The following DCT variants were observed in gnomAD, a reference collection of about 807,000 sequenced individuals.
DCT encodes dopachrome tautomerase, also known as L-dopachrome tautomerase.
A neutral mutation model predicts 53.0 loss-of-function variants in DCT; 47 were observed. The observed-to-expected ratio is 0.89, with a 90% CI of 0.70 to 1.13. The LOEUF is 1.13. DCT is among the 50% of genes most tolerant of loss of function. DCT has a pLI of 0.00. For missense variants in DCT, 669 were observed against 637.4 expected, an observed-to-expected ratio of 1.05 and a Z score of -0.53; for synonymous variants, 244 against 237.0, an observed-to-expected ratio of 1.03 and a Z score of -0.27.
chr13:94,470,667 C>T (rs534440864), intron 1 of DCT, among the ~76,000 whole-genome samples: 5 of 152,174 alleles, frequency 3.3e-5, no homozygotes, highest in Non-Finnish European at 7.3e-5. Context: ...GCTTTTCCTT[C>T]TTCCTGAAAC....
chr13:94,500,739 C>T, the DCT span, among the ~76,000 whole-genome samples: 1 of 152,282 alleles, frequency 6.6e-6, no homozygotes, highest in East Asian at 1.9e-4. Context: ...TCCATTCAAC[C>T]GTTTATGGAC....
chr13:94,519,116 C>T, the DCT span, among the ~76,000 whole-genome samples: 1 of 152,180 alleles, frequency 6.6e-6, no homozygotes, highest in African/African-American at 2.4e-5. Flanking sequence ...ATCTCTACCA[C>T]CTCCCTGCCT....
Position 94,460,139 on chromosome 13 carries a change from G to C in DCT, c.1131C>G (p.Asn377Lys). Reference protein sequence around the residue: ...SLHNLVHSFLNGTNALPHSAA... With the variant: ...SLHNLVHSFLKGTNALPHSAA... ...CTGAATGTGGCAAAGCGTTTGTCCCGTTCAGGAAGGAATGAACCAAATTAT... is the reference window on the plus strand; with the variant it reads ...CTGAATGTGGCAAAGCGTTTGTCCCCTTCAGGAAGGAATGAACCAAATTAT... Residue 377 changes from asparagine (N) to lysine (K), a missense_variant, in exon 6 of 8, where the codon AAC becomes AAG. Asn to Lys is a moderately conservative substitution (Grantham distance 94, BLOSUM62 0). Transcript: ENST00000377028. 6.2e-7 allele frequency: 1 copy of C among 1,614,042 alleles called. No individual in the cohort carries two copies. Among genetic ancestry groups the C allele is most frequent in the Non-Finnish European group, 8.5e-7 (1 of 1,179,972 alleles).
chr13:94,521,282 A>C, the DCT span, among the ~76,000 whole-genome samples: 2 of 152,260 alleles, frequency 1.3e-5, no homozygotes, highest in Non-Finnish European at 2.9e-5. Context: ...CTGGCACTTC[A>C]TGAGTGCTTG....
At chr13:94,521,446 G>C in the DCT span, among the ~76,000 whole-genome samples, 1 of 152,198 alleles carries the variant, frequency 6.6e-6, no homozygotes. Flanking sequence ...CGAGGTGGGC[G>C]GATCACCTGA....
the DCT span, among the ~76,000 whole-genome samples, chr13:94,491,073 G>T: frequency 6.6e-6 from 1 of 152,134 alleles, no homozygotes; most frequent in Admixed American, 6.6e-5. Flanking sequence ...AGAATACAAA[G>T]ATGTCAGTGA....
At chr13:94,525,123 G>A in the DCT span, among the ~76,000 whole-genome samples, 1 of 149,058 alleles carries the variant, frequency 6.7e-6, no homozygotes, top group Non-Finnish European at 1.5e-5. Context: ...TTTTGGAGGT[G>A]GAGTTTCCCT....
the DCT span, among the ~76,000 whole-genome samples, chr13:94,542,734 A>G: frequency 6.6e-6 from 1 of 152,226 alleles, no homozygotes; most frequent in South Asian, 2.1e-4. Flanking sequence ...GCATTTAGGA[A>G]AACAAAAAGT....
At chr13:94,513,421 T>C in the DCT span, among the ~76,000 whole-genome samples, 1 of 152,182 alleles carries the variant, frequency 6.6e-6, no homozygotes, top group Non-Finnish European at 1.5e-5. Flanking sequence ...TCGGTGTCTG[T>C]GGAATAATCC....
intron 6 of DCT, chr13:94,445,800 G>A: frequency 6.9e-7 from 1 of 1,449,598 alleles, no homozygotes; most frequent in Non-Finnish European, 9.5e-7. Context: ...TTTGTTTGTA[G>A]TTCTTACATT....
intron 6 of DCT, among the ~76,000 whole-genome samples, chr13:94,449,747 T>C (rs925300004): frequency 1.3e-5 from 2 of 152,218 alleles, no homozygotes; most frequent in East Asian, 3.8e-4. Context: ...TAGGGAAATA[T>C]CTTGTCTTGT....
chr13:94,547,941 C>A, the DCT span, among the ~76,000 whole-genome samples: 3 of 114,422 alleles, frequency 2.6e-5, no homozygotes, highest in Non-Finnish European at 4.8e-5. Context: ...CCAGCCTGGG[C>A]GTCAGAGTGA....
chr13:94,478,484 AAGAGAGAGAG>A (rs765869772), intron 1 of DCT, among the ~76,000 whole-genome samples: 2 of 151,884 alleles, frequency 1.3e-5, no homozygotes, highest in Non-Finnish European at 2.9e-5. Flanking sequence ...CTCCAAAAAA[AAGAGAGAGAG>A]AGAGATCTGT....
chr13:94,453,577 T>G (rs1883231156), intron 6 of DCT, among the ~76,000 whole-genome samples: 1 of 151,602 alleles, frequency 6.6e-6, no homozygotes, highest in South Asian at 2.1e-4. Context: ...CCTATTGATA[T>G]GGTTTAGCTG....
chr13:94,466,501 T>C (rs894665754), intron 3 of DCT, 57 bp downstream of exon 3: 33 of 1,116,862 alleles, frequency 3.0e-5, no homozygotes, highest in Non-Finnish European at 3.8e-5. Context: ...ATGCCTTAAA[T>C]ATATACAATA....
intron 4 of DCT, 54 bp downstream of exon 4, chr13:94,465,579 C>A (rs1233669763): frequency 3.2e-6 from 5 of 1,542,516 alleles, no homozygotes; most frequent in Non-Finnish European, 3.5e-6. Context: ...CTCCATGTCT[C>A]AGACATCAGA....
chr13:94,504,817 GC>G, the DCT span, among the ~76,000 whole-genome samples: 3 of 152,228 alleles, frequency 2.0e-5, no homozygotes, highest in Non-Finnish European at 2.9e-5. Flanking sequence ...TCAAGGTGAT[GC>G]CATTTATTAT....
At chr13:94,493,233 T>G in the DCT span, among the ~76,000 whole-genome samples, 11 of 152,168 alleles carry the variant, frequency 7.2e-5, no homozygotes, top group African/African-American at 2.7e-4. Context: ...ACTTGCCAGC[T>G]TCTCGAAATT....
the DCT span, among the ~76,000 whole-genome samples, chr13:94,545,809 C>A: frequency 6.6e-6 from 1 of 152,046 alleles, no homozygotes; most frequent in Non-Finnish European, 1.5e-5. Context: ...CCACCTGCTT[C>A]CCGATCACTC....
Sources: gnomAD v4.1 joint callset for allele counts (sites outside exome capture counted in the v4.1 genomes callset) on GRCh38, gnomAD v4.1.1 for gene constraint, MANE v1.5 for transcripts, NCBI Gene and HGNC (gene_info 2026-07-23, HGNC 2026-07-21) for gene names.